DYM: variants seen among roughly 807,000 people sequenced by gnomAD.
DYM encodes the protein dyggve-Melchior-Clausen syndrome protein.
DYM carries 78 observed loss-of-function variants against 93.1 expected under a neutral mutation model. The observed-to-expected ratio is 0.84, with a 90% confidence interval of 0.70 to 1.01. The LOEUF (loss-of-function observed/expected upper bound fraction) is 1.01. Ranked by LOEUF, DYM falls within the 50% of genes least tolerant of loss-of-function variation. The pLI is 0.00. For missense variants in DYM, 789 were observed against 845.0 expected (o/e 0.93, Z 0.82); for synonymous variants, 321 against 319.7 (o/e 1.00, Z -0.04).
At chr18:49,330,097 G>GT (rs1231518971) in intron 8 of DYM, among the ~76,000 whole-genome samples, 1 of 151,938 alleles carries the variant, frequency 6.6e-6, no homozygotes, top group African/African-American at 2.4e-5. Context: ...TCCTTTTGTT[G>GT]TTTTTTTATA....
intron 13 of DYM, among the ~76,000 whole-genome samples, chr18:49,211,052 G>A (rs73958771): frequency 3.9e-5 from 6 of 152,244 alleles, no homozygotes; most frequent in African/African-American, 1.4e-4. Context: ...AGAGAACACT[G>A]AATTAGGAGT....
intron 14 of DYM, among the ~76,000 whole-genome samples, chr18:49,171,270 G>C (rs934631357): frequency 2.0e-5 from 3 of 152,254 alleles, no homozygotes; most frequent in Admixed American, 1.3e-4. Flanking sequence ...TTACTGGGAG[G>C]GGGTGTGGAG....
chr18:49,206,813 G>T (rs931490167), intron 14 of DYM, among the ~76,000 whole-genome samples: 1 of 152,180 alleles, frequency 6.6e-6, no homozygotes, highest in Non-Finnish European at 1.5e-5. Flanking sequence ...ATACCCCCTG[G>T]AGGCTTCATA....
rs912472150 is a variant in DYM at position 49,282,182 on chromosome 18, T to A, written c.947-7A>T. On this transcript the variant is annotated splice_polypyrimidine_tract_variant and splice_region_variant and intron_variant, in intron 9 of 17. Coordinates refer to ENST00000675505, the MANE Select transcript of DYM (RefSeq NM_001353214.3). Reference sequence around the variant, plus strand: ...GAGGGGAAAGGACTGCTATCTGGAATACAGAAAACAGCACATCAGTAATTT... The same window carrying A: ...GAGGGGAAAGGACTGCTATCTGGAAAACAGAAAACAGCACATCAGTAATTT... 6.2e-7 allele frequency: 1 copy of A among 1,612,874 alleles called. No homozygotes were observed. The highest frequency in any genetic ancestry group is 8.5e-7 in the Non-Finnish European group (1 of 1,179,048).
At chr18:49,344,227 T>C (rs2064393706) in intron 6 of DYM, among the ~76,000 whole-genome samples, 1 of 152,118 alleles carries the variant, frequency 6.6e-6, no homozygotes, top group South Asian at 2.1e-4. Flanking sequence ...GAAATACATT[T>C]TAAAGAAACA....
chr18:49,314,922 C>A (rs190310482), intron 8 of DYM, among the ~76,000 whole-genome samples: 1 of 152,260 alleles, frequency 6.6e-6, no homozygotes, highest in Admixed American at 6.5e-5. Flanking sequence ...TGCTTAAAGG[C>A]CAGGCCGGTG....
chr18:49,458,774 C>T (rs147559494), intron 1 of DYM, among the ~76,000 whole-genome samples: 3 of 152,230 alleles, frequency 2.0e-5, no homozygotes, highest in Non-Finnish European at 4.4e-5. Flanking sequence ...AGGAGGCAGA[C>T]GTTGCCGTGA....
chr18:49,231,940 G>C (rs548613020), intron 13 of DYM, among the ~76,000 whole-genome samples: 1 of 152,230 alleles, frequency 6.6e-6, no homozygotes, highest in East Asian at 1.9e-4. Flanking sequence ...AAGGAACACA[G>C]GTTGGAGACA....
intron 2 of DYM, among the ~76,000 whole-genome samples, chr18:49,402,795 C>A (rs940063871): frequency 6.6e-6 from 1 of 152,210 alleles, no homozygotes; most frequent in African/African-American, 2.4e-5. Context: ...CTCCTGCACA[C>A]TGCTCACATA....
intron 17 of DYM, among the ~76,000 whole-genome samples, chr18:49,082,056 G>T (rs189168209): frequency 6.6e-6 from 1 of 152,108 alleles, no homozygotes; most frequent in Admixed American, 6.5e-5. Context: ...CAGGCAGTTT[G>T]GGAATTCCCT....
chr18:49,457,947 T>C (rs1172864355), intron 1 of DYM, among the ~76,000 whole-genome samples: 2 of 152,152 alleles, frequency 1.3e-5, no homozygotes, highest in Non-Finnish European at 2.9e-5. Context: ...AGTGGCAGCC[T>C]CTAGAAGCTG....
chr18:49,429,020 G>A (rs1251638340), intron 2 of DYM, among the ~76,000 whole-genome samples: 1 of 152,156 alleles, frequency 6.6e-6, no homozygotes, highest in Non-Finnish European at 1.5e-5. Flanking sequence ...TGTCAATAAG[G>A]CTGCATCCCT....
intron 10 of DYM, among the ~76,000 whole-genome samples, chr18:49,280,545 G>A (rs1042164976): frequency 3.3e-5 from 5 of 152,174 alleles, no homozygotes; most frequent in Non-Finnish European, 7.3e-5. Context: ...TGGAAGACCT[G>A]AACAGGCTGA....
chr18:49,174,517 A>C (rs2089162457), intron 14 of DYM, among the ~76,000 whole-genome samples: 2 of 152,208 alleles, frequency 1.3e-5, no homozygotes, highest in Non-Finnish European at 2.9e-5. Context: ...ATTAATTATG[A>C]TGGCTATTTT....
intron 15 of DYM, among the ~76,000 whole-genome samples, chr18:49,124,422 T>A (rs993690183): frequency 7.2e-5 from 11 of 151,738 alleles, no homozygotes; most frequent in African/African-American, 1.9e-4. Context: ...GGCAGGAGGA[T>A]TGCCTGAGTT....
intron 13 of DYM, among the ~76,000 whole-genome samples, chr18:49,211,797 TAAG>T (rs2092797732): frequency 6.6e-6 from 1 of 152,166 alleles, no homozygotes; most frequent in Non-Finnish European, 1.5e-5. Context: ...GAGAAAGTCT[TAAG>T]AAGCTGTTAA....
chr18:49,110,270 T>C (rs867158423), intron 16 of DYM, among the ~76,000 whole-genome samples: 2 of 152,210 alleles, frequency 1.3e-5, no homozygotes, highest in African/African-American at 4.8e-5. Context: ...TGAATCAACA[T>C]AAGAAAAAGC....
chr18:49,047,802 T>A (rs1177330740), intron 17 of DYM, among the ~76,000 whole-genome samples: 1 of 152,146 alleles, frequency 6.6e-6, no homozygotes, highest in Admixed American at 6.5e-5. Context: ...ACGATGATGT[T>A]CTTTTCTGTG....
chr18:49,447,680 G>A (rs567851686), intron 1 of DYM, among the ~76,000 whole-genome samples: 2 of 152,214 alleles, frequency 1.3e-5, no homozygotes, highest in East Asian at 1.9e-4. Flanking sequence ...GCCCCAATGC[G>A]GTGTCGGCAA....
Sources: allele counts gnomAD v4.1 joint callset (sites outside exome capture counted in the v4.1 genomes callset), GRCh38; gene constraint gnomAD v4.1.1; transcripts MANE v1.5; gene names NCBI Gene and HGNC (gene_info 2026-07-23, HGNC 2026-07-21).